Variants in PTPRQ observed in about 807,000 individuals in gnomAD.
The protein encoded by PTPRQ is protein tyrosine phosphatase receptor type Q, also known as phosphatidylinositol phosphatase PTPRQ.
PTPRQ carries 199 observed loss-of-function variants against 246.0 expected under a neutral mutation model. The ratio of observed to expected loss-of-function variants is 0.81; its 90% CI spans 0.72 to 0.91. PTPRQ has a LOEUF of 0.91. Ranked by LOEUF, PTPRQ falls within the 40% of genes least tolerant of loss-of-function variation. The probability of loss-of-function intolerance (pLI) is 0.00; values close to 1 mark genes in which losing one functional copy is unlikely to be tolerated. For missense variants in PTPRQ, 2,624 were observed against 2,528.4 expected (o/e 1.04, Z -0.81); for synonymous variants, 869 against 853.2 (o/e 1.02, Z -0.32).
intron 18 of PTPRQ, 140 bp downstream of exon 18, chr12:80,534,315 T>C: frequency 1.0e-6 from 1 of 977,554 alleles, no homozygotes; most frequent in South Asian, 2.4e-5. Flanking sequence ...TGCATTTTGA[T>C]CACTTTTTAG....
intron 38 of PTPRQ, among the ~76,000 whole-genome samples, chr12:80,655,480 A>G (rs187772830): frequency 6.6e-6 from 1 of 152,224 alleles, no homozygotes; most frequent in Admixed American, 6.5e-5. Context: ...TCTGGAGATA[A>G]CAAACCCAAA....
intron 8 of PTPRQ, among the ~76,000 whole-genome samples, chr12:80,479,963 A>G (rs1229152725): frequency 6.6e-6 from 1 of 151,884 alleles, no homozygotes; most frequent in African/African-American, 2.4e-5. Flanking sequence ...AGACAGATCA[A>G]CAAGACAGAA....
intron 24 of PTPRQ, among the ~76,000 whole-genome samples, chr12:80,548,047 CA>C (rs1337628993): frequency 1.3e-5 from 2 of 151,988 alleles, no homozygotes; most frequent in African/African-American, 4.8e-5. Context: ...TAAAAATGTT[CA>C]ACCCATAAAT....
In PTPRQ at chr12:80,513,963, C is replaced by T. The variant is rs563478894; in HGVS notation, c.2678+3520C>T. ...GCTCTGGATGATCTGCTAGAGGAGC[C>T]CTTACATCTTGCTTGACACAGAGAT... On this transcript the variant is annotated intron_variant, in intron 17 of 44. Transcript: ENST00000644991. Among the ~76,000 whole-genome samples the T allele has an allele frequency of 4.6e-5, 7 of 152,194 alleles. No homozygotes were observed. The South Asian group carries it at 1.2e-3, about 27-fold the overall frequency.
At position 80,506,066 on chromosome 12, in the gene PTPRQ, C is replaced by G; in HGVS notation, c.2315C>G (p.Ser772Cys). ...APENITYKNI[S>C]SGEIELSFLP... The stretch of plus-strand genomic sequence containing the variant: ...GAAAATATCACTTACAAAAATATTT[C>G]TTCTGGAGAGATTGAGCTATCATTC... Residue 772 changes from serine (S) to cysteine (C), a missense_variant, in exon 15 of 45, where the codon TCT becomes TGT. Ser to Cys is a moderately radical substitution (Grantham distance 112, BLOSUM62 -1). Coordinates refer to ENST00000644991, the MANE Select transcript of PTPRQ (RefSeq NM_001145026.2). 6.5e-7 allele frequency: 1 copy of G among 1,546,792 alleles called. No homozygotes were observed. The highest frequency in any genetic ancestry group is 8.7e-7 in the Non-Finnish European group (1 of 1,144,818).
chr12:80,644,848 A>G (rs999501541), intron 35 of PTPRQ, among the ~76,000 whole-genome samples: 2 of 152,106 alleles, frequency 1.3e-5, no homozygotes, highest in African/African-American at 4.8e-5. Flanking sequence ...GAGGCTAAGA[A>G]CGAAAGCAAT....
In PTPRQ at chr12:80,610,633, G is replaced by T. The variant is rs1280025366; in HGVS notation, c.4918+8G>T. The T allele has an allele frequency of 6.5e-7, 1 of 1,540,288 alleles. No individual in the cohort carries two copies. The highest frequency in any genetic ancestry group is 8.8e-7 in the Non-Finnish European group (1 of 1,139,856). On this transcript the variant is annotated splice_region_variant and intron_variant, in intron 28 of 44. Transcript: ENST00000644991. The stretch of plus-strand genomic sequence containing the variant: ...TTACTACTTTAGAATCAGGTAAGGA[G>T]AATTTCTCAACCTTGCTAAAAATTG...
At chr12:80,641,603 T>G (rs1899857515) in intron 35 of PTPRQ, among the ~76,000 whole-genome samples, 1 of 152,226 alleles carries the variant, frequency 6.6e-6, no homozygotes, top group Non-Finnish European at 1.5e-5. Flanking sequence ...TAAAATACTT[T>G]AATGAAAATA....
At chr12:80,513,718 T>G (rs1895194117) in intron 17 of PTPRQ, among the ~76,000 whole-genome samples, 1 of 152,090 alleles carries the variant, frequency 6.6e-6, no homozygotes, top group African/African-American at 2.4e-5. Context: ...ACCTGACCTT[T>G]TTATGGAATC....
chr12:80,665,592 T>C (rs1900760287), intron 39 of PTPRQ, among the ~76,000 whole-genome samples: 2 of 151,880 alleles, frequency 1.3e-5, no homozygotes, highest in Non-Finnish European at 2.9e-5. Context: ...AAAGCAAAAA[T>C]ATACAAATGG....
At chr12:80,622,186 G>T in intron 33 of PTPRQ, 52 bp downstream of exon 33, 1 of 1,250,896 alleles carries the variant, frequency 8.0e-7, no homozygotes, top group Non-Finnish European at 1.1e-6. Context: ...ATCAAAGTTG[G>T]AACATTTATT....
rs1198349856 is a variant in PTPRQ, at chr12:80,678,771, T to G, written c.6862+46T>G. 3 of 1,497,520 alleles carry G rather than the reference T, an allele frequency of 2.0e-6. No individual in the cohort carries two copies. In the Admixed American group the frequency reaches 7.1e-5, roughly 35 times the overall value. 92.8% of individuals were successfully genotyped at this position (1,497,520 alleles called of 1,614,324 possible). A position where few individuals can be genotyped will look rare whatever the true frequency, so the allele number is the denominator to read the frequency against. On this transcript the variant is annotated intron_variant, in intron 44 of 44. Transcript: ENST00000644991. ...ATGCCCAGCTTACTAGTTTACCACC[T>G]ACGGTAAGAACATAAATTTCAGAAT...
intron 39 of PTPRQ, 123 bp from the exon 40 acceptor site, chr12:80,668,884 A>G: frequency 7.7e-7 from 1 of 1,291,570 alleles, no homozygotes; most frequent in Non-Finnish European, 1.0e-6. Flanking sequence ...ATTATCTAGT[A>G]TTTACGGTAT....
intron 17 of PTPRQ, among the ~76,000 whole-genome samples, chr12:80,522,321 G>T (rs1029632028): frequency 3.3e-5 from 5 of 152,168 alleles, no homozygotes; most frequent in African/African-American, 1.2e-4. Context: ...GGGACAATTT[G>T]ACTTCCTCTT....
At chr12:80,475,665 A>G (rs188098421) in intron 8 of PTPRQ, among the ~76,000 whole-genome samples, 1 of 152,188 alleles carries the variant, frequency 6.6e-6, no homozygotes, top group Admixed American at 6.5e-5. Flanking sequence ...ATAGGAAAAA[A>G]AAGATAAGTT....
chr12:80,641,884 GCTCT>G (rs894544128), intron 35 of PTPRQ, among the ~76,000 whole-genome samples: 4 of 139,022 alleles, frequency 2.9e-5, no homozygotes, highest in African/African-American at 8.0e-5. Flanking sequence ...TCTCTCTCTT[GCTCT>G]CTCTCTCTCG....
intron 27 of PTPRQ, among the ~76,000 whole-genome samples, 183 bp from the exon 28 acceptor site, chr12:80,610,256 A>C (rs1469542716): frequency 6.6e-6 from 1 of 150,516 alleles, no homozygotes; most frequent in East Asian, 1.9e-4. Context: ...CAACTATTAA[A>C]ATAATTAATA....
intron 26 of PTPRQ, among the ~76,000 whole-genome samples, chr12:80,597,063 T>A (rs946814600): frequency 2.0e-5 from 3 of 151,800 alleles, no homozygotes; most frequent in African/African-American, 7.3e-5. Context: ...GATGGAGAGG[T>A]ACTAACTGAT....
At chr12:80,568,280 AT>A (rs1048601991) in intron 25 of PTPRQ, among the ~76,000 whole-genome samples, 10 of 152,112 alleles carry the variant, frequency 6.6e-5, no homozygotes, top group East Asian at 5.8e-4. Context: ...CTTATCAAGA[AT>A]TTTTTTTCTC....
Sources: gnomAD v4.1 joint callset for allele counts (sites outside exome capture counted in the v4.1 genomes callset) on GRCh38, gnomAD v4.1.1 for gene constraint, MANE v1.5 for transcripts, NCBI Gene and HGNC (gene_info 2026-07-23, HGNC 2026-07-21) for gene names.